Variants in SVOPL observed in about 807,000 individuals in gnomAD.
SVOPL encodes SVOP like.
A neutral mutation model predicts 61.0 loss-of-function variants in SVOPL; 60 were observed. That is an observed-to-expected ratio of 0.98 (90% CI 0.80 to 1.22). The LOEUF (loss-of-function observed/expected upper bound fraction) is 1.22. SVOPL is among the 50% of genes most tolerant of loss of function. The probability of loss-of-function intolerance (pLI) is 0.00; values close to 1 mark genes in which losing one functional copy is unlikely to be tolerated. For synonymous variants in SVOPL, 279 were observed against 250.0 expected (o/e 1.12, Z -1.09); for missense variants, 662 against 643.9 (o/e 1.03, Z -0.30).
intron 1 of SVOPL, among the ~76,000 whole-genome samples, chr7:138,700,885 C>A (rs1160830381): frequency 6.6e-6 from 1 of 152,168 alleles, no homozygotes; most frequent in Admixed American, 6.5e-5. Context: ...TTTCCCTGAA[C>A]TCAGATGGAG....
chr7:138,612,914 A>T (rs1431128301), intron 14 of SVOPL, among the ~76,000 whole-genome samples: 1 of 152,170 alleles, frequency 6.6e-6, no homozygotes, highest in Admixed American at 6.5e-5. Context: ...CTCCTCTTTC[A>T]TGGCAATAAT....
rs527692872 is a variant in SVOPL, at chr7:138,622,545, G to A, written c.1264-1410C>T. Among the ~76,000 whole-genome samples the A allele has an allele frequency of 4.4e-4, 67 of 152,256 alleles. No homozygotes were observed. The South Asian group carries it at 0.013, about 30-fold the overall frequency. On this transcript the variant is annotated intron_variant, in intron 13 of 15. Transcript: ENST00000674285. ...TGGTCTCGAACTCCTGACCTCAGGT[G>A]ATCTGCCTGCCTCAGCCTCCCAAAG... is the stretch of plus-strand genomic sequence containing the variant.
intron 6 of SVOPL, among the ~76,000 whole-genome samples, chr7:138,657,060 T>C (rs976602112): frequency 6.6e-6 from 1 of 150,846 alleles, no homozygotes; most frequent in African/African-American, 2.5e-5. Flanking sequence ...AAAAAAGAAA[T>C]ATAAGCCTTA....
At chr7:138,640,451 AAACTCCCAACCTCAGGTGT>A (rs1412615617) in intron 9 of SVOPL, among the ~76,000 whole-genome samples, 3 of 151,950 alleles carry the variant, frequency 2.0e-5, no homozygotes, top group South Asian at 2.1e-4. Context: ...GGCTGGTCTG[AAACTCCCAACCTCAGGTGT>A]AACTCCCGAC....
intron 7 of SVOPL, among the ~76,000 whole-genome samples, chr7:138,654,496 G>GT (rs1212185361): frequency 5.7e-5 from 4 of 69,690 alleles, no homozygotes; most frequent in Non-Finnish European, 8.8e-5. Context: ...GGTTTACTGA[G>GT]TTTGTTTTTT....
At chr7:138,597,668 G>GTGTGTGTGTT (rs1798337235) in intron 14 of SVOPL, among the ~76,000 whole-genome samples, 1 of 151,622 alleles carries the variant, frequency 6.6e-6, no homozygotes, top group African/African-American at 2.4e-5. Flanking sequence ...GTGTGTGTGT[G>GTGTGTGTGTT]TTTTACTGCT....
intron 9 of SVOPL, among the ~76,000 whole-genome samples, chr7:138,638,038 T>C (rs1185389282): frequency 1.3e-5 from 2 of 151,272 alleles, no homozygotes; most frequent in Admixed American, 6.6e-5. Context: ...TTTTCCAAGG[T>C]AAATGCAGGT....
At chr7:138,695,473 T>C (rs1248363201) in intron 1 of SVOPL, among the ~76,000 whole-genome samples, 2 of 152,172 alleles carry the variant, frequency 1.3e-5, no homozygotes, top group African/African-American at 4.8e-5. Context: ...GATCATGCAC[T>C]GCACTACAGC....
At chr7:138,693,512 AAAG>A in intron 1 of SVOPL, among the ~76,000 whole-genome samples, 1 of 148,238 alleles carries the variant, frequency 6.7e-6, no homozygotes, top group Non-Finnish European at 1.5e-5. Context: ...GGAAGGAAAG[AAAG>A]AAGAAAAGAA....
intron 5 of SVOPL, chr7:138,662,171 G>A (rs1382888960): frequency 3.0e-6 from 3 of 985,366 alleles, no homozygotes; most frequent in Non-Finnish European, 3.6e-6. Context: ...GCTCTGCAGA[G>A]AACTTCTGCT....
intron 14 of SVOPL, among the ~76,000 whole-genome samples, chr7:138,618,687 T>TGA (rs904190513): frequency 3.9e-5 from 5 of 128,492 alleles, no homozygotes; most frequent in African/African-American, 1.2e-4. Flanking sequence ...TGAGAGAGAA[T>TGA]GAGAGCACGC....
At chr7:138,695,055 TA>T (rs1803036797) in intron 1 of SVOPL, among the ~76,000 whole-genome samples, 1 of 152,212 alleles carries the variant, frequency 6.6e-6, no homozygotes, top group South Asian at 2.1e-4. Context: ...TAAAATTATT[TA>T]ATTACATAAT....
intron 14 of SVOPL, among the ~76,000 whole-genome samples, chr7:138,605,952 T>A (rs573824748): frequency 2.0e-5 from 3 of 152,088 alleles, no homozygotes; most frequent in Non-Finnish European, 2.9e-5. Flanking sequence ...CTCAAATTCA[T>A]ATTTCAGTAA....
intron 5 of SVOPL, chr7:138,661,827 C>T (rs1426185524): frequency 9.2e-6 from 9 of 981,776 alleles, no homozygotes; most frequent in Admixed American, 1.2e-4. Context: ...AGCTGCAATC[C>T]TCAATCTTGG....
At chr7:138,648,761 CA>C (rs564702801) in intron 8 of SVOPL, among the ~76,000 whole-genome samples, 28 of 140,036 alleles carry the variant, frequency 2.0e-4, no homozygotes, top group Admixed American at 4.4e-4. Flanking sequence ...GACTCCATCT[CA>C]AAAAAAAAAA....
At chr7:138,635,419 TG>T (rs1350247250) in intron 9 of SVOPL, among the ~76,000 whole-genome samples, 1 of 150,440 alleles carries the variant, frequency 6.6e-6, no homozygotes, top group Admixed American at 6.7e-5. Context: ...TAAATAGAGA[TG>T]GGGGTGGGGG....
At chr7:138,653,629 T>C (rs1801543240) in intron 7 of SVOPL, among the ~76,000 whole-genome samples, 1 of 151,822 alleles carries the variant, frequency 6.6e-6, no homozygotes, top group African/African-American at 2.4e-5. Flanking sequence ...TGGCAAAATC[T>C]CATCTCAACT....
intron 9 of SVOPL, among the ~76,000 whole-genome samples, chr7:138,640,750 C>T (rs1274535745): frequency 6.6e-6 from 1 of 152,108 alleles, no homozygotes; most frequent in Non-Finnish European, 1.5e-5. Flanking sequence ...GCAATAGACA[C>T]TGCAGACTAC....
intron 14 of SVOPL, among the ~76,000 whole-genome samples, chr7:138,599,393 A>G (rs544852881): frequency 6.6e-6 from 1 of 152,262 alleles, no homozygotes; most frequent in South Asian, 2.1e-4. Context: ...CAGTAAAGCA[A>G]TGAGTCACAA....
Sources: allele counts gnomAD v4.1 joint callset (sites outside exome capture counted in the v4.1 genomes callset), GRCh38; gene constraint gnomAD v4.1.1; transcripts MANE v1.5; gene names NCBI Gene and HGNC (gene_info 2026-07-23, HGNC 2026-07-21).